Variants in SPAG16 observed in about 807,000 individuals in gnomAD.
SPAG16 encodes the protein sperm associated antigen 16, also known as sperm-associated antigen 16 protein.
SPAG16 carries 86 observed loss-of-function variants against 80.4 expected under a neutral mutation model. The ratio of observed to expected loss-of-function variants is 1.07; its 90% CI spans 0.90 to 1.28. The LOEUF is 1.28. Among genes scored for constraint, SPAG16 ranks in the 50% most tolerant of loss-of-function variants. SPAG16 has a pLI of 0.00. For missense variants in SPAG16, 870 were observed against 765.3 expected, an observed-to-expected ratio of 1.14 and a Z score of -1.61; for synonymous variants, 294 against 265.9, an observed-to-expected ratio of 1.11 and a Z score of -1.03.
intron 1 of SPAG16, among the ~76,000 whole-genome samples, chr2:213,292,659 G>A (rs2062328167): frequency 2.3e-5 from 2 of 86,846 alleles, no homozygotes; most frequent in African/African-American, 4.6e-5. Context: ...GCGAGACTCC[G>A]TCTCAAAAAA....
intron 11 of SPAG16, among the ~76,000 whole-genome samples, chr2:213,893,640 T>A (rs1419826713): frequency 6.6e-6 from 1 of 152,168 alleles, no homozygotes; most frequent in Non-Finnish European, 1.5e-5. Context: ...TTTCCATTTT[T>A]TCTTTGTGAT....
chr2:213,353,195 G>A (rs2065431583), intron 7 of SPAG16, among the ~76,000 whole-genome samples: 1 of 152,170 alleles, frequency 6.6e-6, no homozygotes, highest in Non-Finnish European at 1.5e-5. Context: ...TTTTGTATGT[G>A]AACCCAACAC....
intron 15 of SPAG16, among the ~76,000 whole-genome samples, chr2:214,376,003 T>C (rs1360932551): frequency 6.6e-6 from 1 of 152,146 alleles, no homozygotes; most frequent in Non-Finnish European, 1.5e-5. Context: ...TCTTAAGATC[T>C]ATATGCTTCA....
chr2:214,108,481 C>CCCA (rs2053510403), intron 14 of SPAG16, among the ~76,000 whole-genome samples: 4 of 74,850 alleles, frequency 5.3e-5, no homozygotes, highest in African/African-American at 2.1e-4. Flanking sequence ...ACACACACAC[C>CCCA]CCCACACACA....
rs186760325 is a variant in SPAG16 at position 213,714,885 on chromosome 2, G to A, written c.1071-147600G>A. Among the ~76,000 whole-genome samples the A allele has an allele frequency of 3.3e-5, 5 of 152,206 alleles. No homozygotes were observed. In the East Asian group the frequency reaches 5.8e-4, roughly 18 times the overall value. On this transcript the variant is annotated intron_variant, in intron 10 of 15. Coordinates refer to ENST00000331683, the MANE Select transcript of SPAG16 (RefSeq NM_024532.5). ...TAGTTTTCATTAAGTGCCAGACATC[G>A]GGAACCCAACCCCCACTAAGTAGGT... is the stretch of plus-strand genomic sequence containing the variant.
At chr2:214,324,855 T>G (rs1410352402) in intron 15 of SPAG16, among the ~76,000 whole-genome samples, 2 of 152,174 alleles carry the variant, frequency 1.3e-5, no homozygotes, top group African/African-American at 2.4e-5. Flanking sequence ...TTTGTCAAAT[T>G]TATTTTGCAA....
chr2:213,614,240 C>A (rs893887904), intron 10 of SPAG16, among the ~76,000 whole-genome samples: 2 of 152,162 alleles, frequency 1.3e-5, no homozygotes, highest in Admixed American at 1.3e-4. Context: ...TTTTAACGTC[C>A]TGCAAGTGAT....
intron 10 of SPAG16, among the ~76,000 whole-genome samples, chr2:213,583,289 AATT>A (rs1182779936): frequency 2.0e-5 from 3 of 152,304 alleles, no homozygotes; most frequent in Non-Finnish European, 4.4e-5. Flanking sequence ...TAGTTTGGAA[AATT>A]ATAAGTAACG....
chr2:213,574,539 GA>G (rs2060047163), intron 10 of SPAG16, among the ~76,000 whole-genome samples: 1 of 151,786 alleles, frequency 6.6e-6, no homozygotes, highest in Admixed American at 6.6e-5. Flanking sequence ...TGTTACACAT[GA>G]ACATGTTCTC....
intron 10 of SPAG16, among the ~76,000 whole-genome samples, chr2:213,790,870 C>CTTTGT (rs2070655018): frequency 6.6e-6 from 1 of 152,042 alleles, no homozygotes; most frequent in Non-Finnish European, 1.5e-5. Context: ...TTTCTTCTGC[C>CTTTGT]TGTTCTGACC....
intron 13 of SPAG16, among the ~76,000 whole-genome samples, chr2:214,088,230 G>A (rs2051914570): frequency 6.6e-6 from 1 of 151,906 alleles, no homozygotes; most frequent in Admixed American, 6.6e-5. Context: ...GATAAAAGAT[G>A]GCTGTTATGG....
At chr2:213,598,004 T>C (rs1285166591) in intron 10 of SPAG16, among the ~76,000 whole-genome samples, 1 of 152,182 alleles carries the variant, frequency 6.6e-6, no homozygotes, top group East Asian at 1.9e-4. Context: ...GCTGCTATCT[T>C]TGAGGTTTCA....
intron 15 of SPAG16, among the ~76,000 whole-genome samples, chr2:214,187,215 C>T (rs1256516291): frequency 6.6e-6 from 1 of 152,150 alleles, no homozygotes; most frequent in Non-Finnish European, 1.5e-5. Context: ...TCCCCACACA[C>T]ACACACACAC....
chr2:214,377,619 C>T (rs561173861), intron 15 of SPAG16, among the ~76,000 whole-genome samples: 17 of 148,302 alleles, frequency 1.1e-4, no homozygotes, highest in East Asian at 9.6e-4. Flanking sequence ...TTATTGGTAA[C>T]GCTTCCAACC....
At chr2:213,782,706 T>C (rs945968830) in intron 10 of SPAG16, among the ~76,000 whole-genome samples, 4 of 152,134 alleles carry the variant, frequency 2.6e-5, no homozygotes, top group Non-Finnish European at 5.9e-5. Flanking sequence ...GCCAGGGAAT[T>C]CACTGATAAA....
At chr2:214,259,865 A>G (rs1359802704) in intron 15 of SPAG16, among the ~76,000 whole-genome samples, 2 of 152,192 alleles carry the variant, frequency 1.3e-5, no homozygotes, top group Non-Finnish European at 2.9e-5. Context: ...GAGCCAGATC[A>G]TCTGTCTCAG....
chr2:213,456,202 T>C (rs1387095098), intron 9 of SPAG16, among the ~76,000 whole-genome samples: 1 of 152,246 alleles, frequency 6.6e-6, no homozygotes, highest in African/African-American at 2.4e-5. Context: ...CATTGCTAGC[T>C]GTGCTTTTAG....
chr2:214,141,872 G>A lies in SPAG16; in HGVS notation c.1594-7268G>A, dbSNP rs571985461. Among the ~76,000 whole-genome samples the A allele has an allele frequency of 2.6e-5, 4 of 152,020 alleles. 1 individual carries two copies. In the South Asian group the frequency reaches 8.3e-4, roughly 32 times the overall value. ...TGTTTAGGTGCAGTTTTATTTTTAT[G>A]CATTATACTCAATATTTGGAGCGCA... On this transcript the variant is annotated intron_variant, in intron 14 of 15. Transcript: ENST00000331683.
At chr2:214,191,834 A>G (rs1276184565) in intron 15 of SPAG16, among the ~76,000 whole-genome samples, 1 of 151,860 alleles carries the variant, frequency 6.6e-6, no homozygotes, top group Non-Finnish European at 1.5e-5. Context: ...TTATGTGTCC[A>G]TGTACTTATA....
Sources: allele counts gnomAD v4.1 joint callset (sites outside exome capture counted in the v4.1 genomes callset), GRCh38; gene constraint gnomAD v4.1.1; transcripts MANE v1.5; gene names NCBI Gene and HGNC (gene_info 2026-07-23, HGNC 2026-07-21).